Variants in RBFOX2 observed in about 807,000 individuals in gnomAD.
The protein encoded by RBFOX2 is RNA binding protein fox-1 homolog 2.
RBFOX2 carries 10 observed loss-of-function variants against 49.1 expected under a neutral mutation model. The ratio of observed to expected loss-of-function variants is 0.20; its 90% CI spans 0.13 to 0.35. RBFOX2 has a LOEUF of 0.35. RBFOX2 is among the 10% of genes least tolerant of loss of function. The pLI is 1.00. For missense variants in RBFOX2, 323 were observed against 486.9 expected, an observed-to-expected ratio of 0.66 and a Z score of 3.17; for synonymous variants, 183 against 187.4, an observed-to-expected ratio of 0.98 and a Z score of 0.19.
At chr22:36,028,421 G>T in exon 1 of RBFOX2, 1 of 1,220,304 alleles carries the variant, frequency 8.2e-7, no homozygotes, top group Non-Finnish European at 1.0e-6. Flanking sequence ...GGCGCCCTCC[G>T]CCATCCGCCC....
intron 1 of RBFOX2, among the ~76,000 whole-genome samples, chr22:35,814,328 G>A (rs936633340): frequency 6.6e-6 from 1 of 152,022 alleles, no homozygotes; most frequent in African/African-American, 2.4e-5. Context: ...ACATCCTCTT[G>A]TGTACTTTAA....
At chr22:35,892,333 G>A (rs1398355971) in intron 1 of RBFOX2, among the ~76,000 whole-genome samples, 1 of 152,124 alleles carries the variant, frequency 6.6e-6, no homozygotes, top group African/African-American at 2.4e-5. Flanking sequence ...ACCTCATGCT[G>A]CCAACTGACG....
chr22:35,825,977 G>A lies in RBFOX2; in HGVS notation c.27+14215C>T, dbSNP rs1004765680. Among the ~76,000 whole-genome samples, 34 of 96,110 alleles carry A rather than the reference G, an allele frequency of 3.5e-4. No individual in the cohort carries two copies. In the East Asian group the frequency reaches 4.7e-3, roughly 13 times the overall value. 63.1% of individuals were successfully genotyped at this position (96,110 alleles called of 152,430 possible). ...AGCCTGGGCAAGACAGTGAGACTCC[G>A]CTTCAAAAAAAAAAAAAAAAAAAAA... On this transcript the variant is annotated intron_variant, in intron 1 of 11. Transcript: ENST00000405409.
intron 1 of RBFOX2, among the ~76,000 whole-genome samples, chr22:35,851,982 T>C (rs1311700738): frequency 6.6e-6 from 1 of 152,166 alleles, no homozygotes; most frequent in Non-Finnish European, 1.5e-5. Flanking sequence ...GGGATTATAA[T>C]ATACAGTCAG....
chr22:35,987,639 G>C (rs757417545), intron 1 of RBFOX2, among the ~76,000 whole-genome samples: 2 of 152,108 alleles, frequency 1.3e-5, no homozygotes, highest in Non-Finnish European at 2.9e-5. Flanking sequence ...TAATCTGTCA[G>C]CCTGTCATAA....
At chr22:35,790,195 C>T (rs1305160653) in intron 2 of RBFOX2, among the ~76,000 whole-genome samples, 4 of 152,202 alleles carry the variant, frequency 2.6e-5, no homozygotes, top group Non-Finnish European at 4.4e-5. Context: ...AATAGGGCAA[C>T]ATAGCCTATG....
upstream of RBFOX2, among the ~76,000 whole-genome samples, chr22:35,965,742 C>T (rs1357172126): frequency 6.6e-6 from 1 of 152,146 alleles, no homozygotes; most frequent in Non-Finnish European, 1.5e-5. Context: ...CATAACACCC[C>T]AACACATAAA....
At chr22:36,000,669 A>G (rs2058378186) in intron 1 of RBFOX2, among the ~76,000 whole-genome samples, 2 of 152,208 alleles carry the variant, frequency 1.3e-5, no homozygotes, top group Admixed American at 1.3e-4. Flanking sequence ...ATCTCCTGTG[A>G]TAGGAAAAAA....
intron 3 of RBFOX2, among the ~76,000 whole-genome samples, chr22:35,778,295 C>T (rs571198485): frequency 1.4e-4 from 22 of 152,282 alleles, no homozygotes; most frequent in South Asian, 4.1e-4. Flanking sequence ...AGCTGTTGTC[C>T]AAAGTTATTC....
intron 4 of RBFOX2, among the ~76,000 whole-genome samples, chr22:35,770,022 AGTTT>A (rs1186924226): frequency 1.3e-5 from 2 of 152,194 alleles, no homozygotes. Flanking sequence ...AGAATGTGTA[AGTTT>A]GTTGAAAATA....
intron 1 of RBFOX2, among the ~76,000 whole-genome samples, chr22:35,909,027 A>G (rs2149497656): frequency 6.6e-6 from 1 of 152,262 alleles, no homozygotes; most frequent in African/African-American, 2.4e-5. Flanking sequence ...TATTTTTAGT[A>G]TAGACAGGGT....
chr22:35,807,156 T>C (rs989732431), intron 2 of RBFOX2, among the ~76,000 whole-genome samples: 5 of 152,086 alleles, frequency 3.3e-5, no homozygotes, highest in Admixed American at 6.6e-5. Context: ...TACAAAGCAG[T>C]TGAAACAAAA....
At chr22:35,799,862 G>A (rs1949461974) in intron 2 of RBFOX2, among the ~76,000 whole-genome samples, 1 of 152,040 alleles carries the variant, frequency 6.6e-6, no homozygotes. Flanking sequence ...GCTGAGGCAG[G>A]AGGACCATCT....
At chr22:35,988,692 T>C (rs2150097049) in intron 1 of RBFOX2, among the ~76,000 whole-genome samples, 1 of 152,258 alleles carries the variant, frequency 6.6e-6, no homozygotes, top group Non-Finnish European at 1.5e-5. Context: ...CCAAAGTCTT[T>C]TAGTGGGACT....
intron 1 of RBFOX2, among the ~76,000 whole-genome samples, chr22:35,835,354 A>T (rs1371308876): frequency 6.6e-6 from 1 of 152,210 alleles, no homozygotes; most frequent in African/African-American, 2.4e-5. Context: ...CTATCTGTCT[A>T]CCATAAACAG....
intron 9 of RBFOX2, among the ~76,000 whole-genome samples, chr22:35,751,654 AAC>A (rs972214196): frequency 2.0e-5 from 3 of 152,236 alleles, no homozygotes; most frequent in Non-Finnish European, 4.4e-5. Flanking sequence ...AAATGTGAGT[AAC>A]ACACAAACTT....
chr22:35,781,403 A>C (rs1372036338), intron 3 of RBFOX2, among the ~76,000 whole-genome samples, 197 bp downstream of exon 4: 2 of 152,230 alleles, frequency 1.3e-5, no homozygotes, highest in African/African-American at 4.8e-5. Context: ...TTATGTGTGC[A>C]GCCACCTGCA....
intron 1 of RBFOX2, among the ~76,000 whole-genome samples, chr22:35,984,478 C>T (rs2057609119): frequency 6.6e-6 from 1 of 152,184 alleles, no homozygotes; most frequent in African/African-American, 2.4e-5. Flanking sequence ...ACATTGGAAC[C>T]ATACCCTTGT....
chr22:35,794,657 CAA>C (rs748698219), intron 2 of RBFOX2, among the ~76,000 whole-genome samples: 6 of 127,248 alleles, frequency 4.7e-5, no homozygotes, highest in Non-Finnish European at 6.8e-5. Flanking sequence ...GACTCTGTCT[CAA>C]AAAAAAAAAA....
Sources: allele counts gnomAD v4.1 joint callset (sites outside exome capture counted in the v4.1 genomes callset), GRCh38; gene constraint gnomAD v4.1.1; transcripts MANE v1.5; gene names NCBI Gene and HGNC (gene_info 2026-07-23, HGNC 2026-07-21).